SPRR1A: variants seen among roughly 807,000 people sequenced by gnomAD.
SPRR1A encodes the protein small proline rich protein 1A, also known as cornifin-A.
For missense variants in SPRR1A, 123 were observed against 105.4 expected, an observed-to-expected ratio of 1.17 and a Z score of -0.73; for synonymous variants, 40 against 39.2, an observed-to-expected ratio of 1.02 and a Z score of -0.07.
downstream of SPRR1A, chr1:152,985,545 G>A (rs1570949052): frequency 1.3e-6 from 2 of 1,578,920 alleles, no homozygotes; most frequent in East Asian, 2.2e-5. Flanking sequence ...ACTGGATACT[G>A]AACACCCTAC....
downstream of SPRR1A, among the ~76,000 whole-genome samples, chr1:152,985,689 C>A (rs1611768): frequency 6.6e-6 from 1 of 152,182 alleles, no homozygotes; most frequent in South Asian, 2.1e-4. Context: ...TGAGCCTCTG[C>A]GTAAGGCTGA....
chr1:152,985,180 A>G (rs748659654), upstream of SPRR1A: 18 of 1,540,858 alleles, frequency 1.2e-5, no homozygotes, highest in East Asian at 2.3e-5. Flanking sequence ...TCTTTCTTTA[A>G]TTGAATCACT....
upstream of SPRR1A, among the ~76,000 whole-genome samples, chr1:152,984,586 T>C (rs1268570987): frequency 6.6e-6 from 1 of 152,130 alleles, no homozygotes; most frequent in Non-Finnish European, 1.5e-5. Context: ...AGGTAATACA[T>C]ATATATAAAT....
chr1:152,984,333 T>C (rs1390729985), upstream of SPRR1A, among the ~76,000 whole-genome samples: 2 of 152,130 alleles, frequency 1.3e-5, no homozygotes, highest in African/African-American at 4.8e-5. Flanking sequence ...TAGATAGTCA[T>C]TGAACTGGGA....
chr1:152,985,363 G>T (rs1201130960), exon 1 of SPRR1A: 2 of 1,560,678 alleles, frequency 1.3e-6, no homozygotes, highest in Non-Finnish European at 1.7e-6. Flanking sequence ...CCACCCCAAG[G>T]TGCCTGAGCC....
chr1:152,985,132 C>T (rs916071797), upstream of SPRR1A: 16 of 1,481,504 alleles, frequency 1.1e-5, no homozygotes, highest in Non-Finnish European at 1.5e-5. Flanking sequence ...TCTAAAGGGT[C>T]CTGAAATAAA....
upstream of SPRR1A, chr1:152,985,161 T>A: frequency 6.5e-7 from 1 of 1,529,400 alleles, no homozygotes. Context: ...GGCATTGAAT[T>A]TGTATCCATC....
chr1:152,985,203 T>G, upstream of SPRR1A: 1 of 1,567,800 alleles, frequency 6.4e-7, no homozygotes, highest in Non-Finnish European at 8.6e-7. Context: ...GTCAGCTTTC[T>G]GTCTCTAGAA....
chr1:152,985,613 C>G, downstream of SPRR1A: 1 of 1,493,496 alleles, frequency 6.7e-7, no homozygotes, highest in Non-Finnish European at 9.0e-7. Flanking sequence ...ATGCTGTCAC[C>G]CTGAATCATA....
Position 152,985,424 on chromosome 1 carries a change from G to GC in SPRR1A, c.196dup (p.Gln66ProfsTer6), listed in dbSNP as rs1652282187. ...TGCCAGCCCAAGGTTCCAGAGCCCTGCCAGCCCAAGGTGCCTGAGCCCTGC... is the reference window on the plus strand; with the variant it reads ...TGCCAGCCCAAGGTTCCAGAGCCCTGCCCAGCCCAAGGTGCCTGAGCCCTGC... On this transcript the variant is annotated frameshift_variant, in exon 1 of 1. Transcript: ENST00000368762. LOFTEE classifies it high-confidence loss of function. 6.3e-7 allele frequency: 1 copy of GC among 1,581,902 alleles called. No homozygotes were observed. Among genetic ancestry groups the GC allele is most frequent in the African/African-American group, 1.4e-5 (1 of 73,902 alleles).
chr1:152,985,318 C>T lies in SPRR1A; in HGVS notation c.88C>T (p.Gln30Ter). ...GAAACAACCTTGCCAGCCTCCACCCCAGGAACCATGCATCCCCAAAACCAA... is the reference window on the plus strand; with the variant it reads ...GAAACAACCTTGCCAGCCTCCACCCTAGGAACCATGCATCCCCAAAACCAA... Residue 30 changes from glutamine to a stop codon, truncating the protein, a stop_gained, in exon 1 of 1, where the codon CAG (glutamine) becomes TAG (stop). Coordinates refer to ENST00000368762, the Ensembl canonical transcript of SPRR1A. LOFTEE classifies it low-confidence loss of function (END_TRUNC). The T allele has an allele frequency of 3.1e-6, 5 of 1,613,978 alleles. No homozygotes were observed. Among genetic ancestry groups the T allele is most frequent in the Non-Finnish European group, 4.2e-6 (5 of 1,179,994 alleles).
upstream of SPRR1A, among the ~76,000 whole-genome samples, chr1:152,985,041 T>C (rs1020617111): frequency 1.3e-5 from 2 of 152,110 alleles, no homozygotes; most frequent in East Asian, 1.9e-4. Flanking sequence ...GCTCCTCCTC[T>C]TCAAAGGGCC....
exon 1 of SPRR1A, chr1:152,985,308 G>A: frequency 1.2e-5 from 19 of 1,613,794 alleles, no homozygotes; most frequent in Non-Finnish European, 1.6e-5. Flanking sequence ...AACCTTGCCA[G>A]CCTCCACCCC....
rs140440323 is a variant in SPRR1A at position 152,985,252 on chromosome 1, C to T, written c.22C>T (p.Gln8Ter). ...AAGCATGAATTCTCAGCAGCAGAAG[C>T]AGCCTTGCACCCCACCCCCTCAGCC... The change falls in exon 1 of 1, where the codon CAG becomes TAG. Residue 8 changes from glutamine (Q) to a stop codon, truncating the protein, a stop_gained. Coordinates refer to ENST00000368762, the Ensembl canonical transcript of SPRR1A. LOFTEE classifies it low-confidence loss of function (END_TRUNC). 1.2e-6 allele frequency: 2 copies of T among 1,609,568 alleles called. No individual in the cohort carries two copies. Among genetic ancestry groups the T allele is most frequent in the East Asian group, 2.2e-5 (1 of 44,836 alleles).
chr1:152,985,510 C>T (rs779507896), downstream of SPRR1A: 8 of 1,607,214 alleles, frequency 5.0e-6, no homozygotes, highest in Non-Finnish European at 6.8e-6. Flanking sequence ...ATGTGGTCCA[C>T]AGCCATGCCC....
chr1:152,984,456 A>T (rs1179725565), upstream of SPRR1A, among the ~76,000 whole-genome samples: 12 of 152,088 alleles, frequency 7.9e-5, no homozygotes, highest in Non-Finnish European at 4.4e-5. Context: ...TATTTATAGA[A>T]ATTTTAATTT....
exon 1 of SPRR1A, chr1:152,985,393 G>A: frequency 6.4e-7 from 1 of 1,564,320 alleles, no homozygotes; most frequent in South Asian, 1.1e-5. Flanking sequence ...CAAAGTGCCT[G>A]AGCCCTGCCA....
At chr1:152,985,591 C>T (rs1244849182), downstream of SPRR1A, 105 of 1,521,492 alleles carry the variant, frequency 6.9e-5, no homozygotes, top group Non-Finnish European at 9.2e-5. Context: ...GCCTATTGAC[C>T]CTGCAGTTAG....
At chr1:152,985,472 C>G in exon 1 of SPRR1A, 1 of 1,613,648 alleles carries the variant, frequency 6.2e-7, no homozygotes, top group African/African-American at 1.3e-5. Context: ...ACTCCAGCAC[C>G]AGCCCAGCAG....
Sources: allele counts gnomAD v4.1 joint callset (sites outside exome capture counted in the v4.1 genomes callset), GRCh38; gene constraint gnomAD v4.1.1; transcripts MANE v1.5; gene names NCBI Gene and HGNC (gene_info 2026-07-23, HGNC 2026-07-21).